DHX8: variants seen among roughly 807,000 people sequenced by gnomAD.
DHX8 encodes the protein ATP-dependent RNA helicase DHX8.
Under a neutral mutation model 140.7 loss-of-function variants are expected in DHX8, and 67 were observed. That is an observed-to-expected ratio of 0.48 (90% confidence interval 0.39 to 0.58). The LOEUF is 0.58. Ranked by LOEUF, DHX8 falls within the 20% of genes least tolerant of loss-of-function variation. The probability of loss-of-function intolerance (pLI) is 0.00; values close to 1 mark genes in which losing one functional copy is unlikely to be tolerated. For synonymous variants in DHX8, 533 were observed against 553.2 expected, an observed-to-expected ratio of 0.96 and a Z score of 0.51; for missense variants, 887 against 1,550.7, an observed-to-expected ratio of 0.57 and a Z score of 7.19.
At chr17:43,525,752 A>C (rs958782473), downstream of DHX8, 1 of 985,402 alleles carries the variant, frequency 1.0e-6, no homozygotes, top group Non-Finnish European at 1.2e-6. Context: ...CTACAGGTGC[A>C]TGCCACCACA....
chr17:43,532,673 C>G, intron 2 of DHX8: 1 of 1,610,532 alleles, frequency 6.2e-7, no homozygotes, highest in East Asian at 2.2e-5. Flanking sequence ...CAGTCTCTTA[C>G]CTGAGTCGTA....
chr17:43,541,407 G>T (rs533029068), intron 3 of DHX8, among the ~76,000 whole-genome samples: 1 of 152,312 alleles, frequency 6.6e-6, no homozygotes, highest in African/African-American at 2.4e-5. Flanking sequence ...CTCCATCCCG[G>T]TACTAAGATG....
At chr17:43,494,209 G>A (rs8074904) in intron 8 of DHX8, among the ~76,000 whole-genome samples, 36,422 of 152,016 alleles carry the variant, frequency 0.24, 4,471 homozygotes, top group Middle Eastern at 0.33. Flanking sequence ...ACTCACTATC[G>A]TGACAACAGC....
rs1443099986 is a variant in DHX8 at position 43,520,265 on chromosome 17, C to T, written c.2935C>T (p.Arg979Trp). ...GGGCCTGCTCACTCGCTTGGGCCGC[C>T]GGGTAAGGGACAGACTCAACTTCCT... ...DEGLLTRLGR[R>W]MAEFPLEPML... The change falls in exon 19 of 23, where the codon CGG becomes TGG. Residue 979 changes from arginine (R) to tryptophan (W), a missense_variant and splice_region_variant. Physicochemically the swap from Arg to Trp is moderately radical, Grantham distance 101. Coordinates refer to ENST00000262415, the MANE Select transcript of DHX8 (RefSeq NM_004941.3). The T allele has an allele frequency of 1.2e-6, 2 of 1,613,856 alleles. No individual in the cohort carries two copies. Among genetic ancestry groups the T allele is most frequent in the Non-Finnish European group, 8.5e-7 (1 of 1,179,898 alleles).
At chr17:43,543,402 A>G (rs1408889716) in intron 3 of DHX8, among the ~76,000 whole-genome samples, 1 of 151,762 alleles carries the variant, frequency 6.6e-6, no homozygotes, top group Non-Finnish European at 1.5e-5. Flanking sequence ...AGATGAGAGC[A>G]TTTTCCTCCC....
chr17:43,486,780 A>G (rs1968180335), intron 1 of DHX8, among the ~76,000 whole-genome samples: 1 of 151,208 alleles, frequency 6.6e-6, no homozygotes, highest in African/African-American at 2.4e-5. Context: ...CAGGAGGCTG[A>G]GGCAGGAGAA....
In DHX8 at chr17:43,504,841, T is replaced by C; in HGVS notation, c.1728+16T>C. The C allele has an allele frequency of 6.2e-7, 1 of 1,608,738 alleles. No homozygotes were observed. Among genetic ancestry groups the C allele is most frequent in the South Asian group, 1.1e-5 (1 of 90,250 alleles). Reference sequence around the variant, plus strand: ...ATTGGTCCAGGTGAGAAGACTTTTATGATGTATTGGTGGGGAGTAGGGTTA... The same window carrying C: ...ATTGGTCCAGGTGAGAAGACTTTTACGATGTATTGGTGGGGAGTAGGGTTA... On this transcript the variant is annotated intron_variant, in intron 12 of 22. Coordinates refer to ENST00000262415, the MANE Select transcript of DHX8 (RefSeq NM_004941.3).
At chr17:43,495,516 G>A (rs541500014) in intron 8 of DHX8, among the ~76,000 whole-genome samples, 26 of 152,226 alleles carry the variant, frequency 1.7e-4, no homozygotes, top group African/African-American at 6.0e-4. Context: ...GGCTCCAAGT[G>A]ATTCTCTTGT....
intron 8 of DHX8, among the ~76,000 whole-genome samples, chr17:43,495,838 CAT>C (rs1968826841): frequency 6.6e-6 from 1 of 152,170 alleles, no homozygotes. Context: ...GTCGCTGACA[CAT>C]GTAATCTCAG....
chr17:43,534,477 G>C (rs1056277605), intron 2 of DHX8, among the ~76,000 whole-genome samples: 3 of 151,046 alleles, frequency 2.0e-5, no homozygotes, highest in Admixed American at 2.0e-4. Flanking sequence ...CTGGGTGACA[G>C]AGCGAGACTC....
chr17:43,525,855 C>G (rs184096724), downstream of DHX8: 2 of 983,148 alleles, frequency 2.0e-6, no homozygotes, highest in Admixed American at 6.2e-5. Flanking sequence ...GAGTGCCCAG[C>G]ACTGACAATG....
intron 1 of DHX8, among the ~76,000 whole-genome samples, chr17:43,485,656 CT>C (rs761046982): frequency 1.3e-5 from 2 of 151,728 alleles, no homozygotes; most frequent in Admixed American, 6.6e-5. Context: ...GGGAGCTTAC[CT>C]TTCTCTCTGT....
chr17:43,499,842 T>G, intron 10 of DHX8, 114 bp from the exon 11 acceptor site: 1 of 1,173,372 alleles, frequency 8.5e-7, no homozygotes, highest in Non-Finnish European at 1.2e-6. Context: ...GTCTGTTACA[T>G]TGATAAGAAC....
At chr17:43,532,934 A>G (rs1284552053) in intron 2 of DHX8, 1 of 1,566,410 alleles carries the variant, frequency 6.4e-7, no homozygotes, top group East Asian at 2.3e-5. Flanking sequence ...CTGCTGGAAG[A>G]CGGAGCTGGA....
intron 16 of DHX8, 32 bp downstream of exon 16, chr17:43,508,552 C>G: frequency 6.7e-7 from 1 of 1,491,342 alleles, no homozygotes; most frequent in South Asian, 1.2e-5. Flanking sequence ...CTTCCATGTG[C>G]CCTGAAACCA....
chr17:43,509,727 G>T (rs936221738), intron 16 of DHX8, among the ~76,000 whole-genome samples: 1 of 151,988 alleles, frequency 6.6e-6, no homozygotes, highest in African/African-American at 2.4e-5. Flanking sequence ...GGAGTGCAAC[G>T]GCACAATCTC....
Position 43,484,074 on chromosome 17 carries a change from G to A in DHX8, c.37G>A (p.Gly13Arg). The A allele has an allele frequency of 3.1e-6, 5 of 1,614,156 alleles. No homozygotes were observed. The highest frequency in any genetic ancestry group is 1.3e-5 in the African/African-American group (1 of 75,018). The change falls in exon 1 of 23, where the codon GGG (glycine) becomes AGG (arginine). Residue 13 changes from glycine (G) to arginine (R), a missense_variant. Coordinates refer to ENST00000262415, the MANE Select transcript of DHX8 (RefSeq NM_004941.3). ...TGTAGCCATGGCGGGAGCCTTAATC[G>A]GGTCGGAGCCAGGCCCCGCGGAAGA... Reference protein sequence around the residue: ...VAVAMAGALIGSEPGPAEELA... With the variant: ...VAVAMAGALIRSEPGPAEELA...
chr17:43,498,889 A>C lies in DHX8; in HGVS notation c.1328A>C (p.Glu443Ala). ...GAGGACCTTGAGATTGAATTGGTTG[A>C]GGAAGAGCCTCCATTCCTGAGAGGG... ...EDEDLEIELV[E>A]EEPPFLRGHT... is the part of the protein sequence containing the mutation. The change falls in exon 10 of 23, where the codon GAG (glutamate) becomes GCG (alanine). Residue 443 changes from glutamate (E) to alanine (A), a missense_variant. By Grantham distance (107) the Glu-to-Ala change is moderately radical (BLOSUM62 -1). Coordinates refer to ENST00000262415, the MANE Select transcript of DHX8 (RefSeq NM_004941.3). 1 of 1,597,596 alleles carries C rather than the reference A, an allele frequency of 6.3e-7. No individual in the cohort carries two copies. The highest frequency in any genetic ancestry group is 8.5e-7 in the Non-Finnish European group (1 of 1,174,196).
intron 11 of DHX8, among the ~76,000 whole-genome samples, chr17:43,504,293 G>T (rs1202375120): frequency 1.3e-5 from 2 of 151,898 alleles, no homozygotes; most frequent in East Asian, 3.9e-4. Flanking sequence ...AGAAGGTCGG[G>T]GCTGCAGTGA....
Sources: gnomAD v4.1 joint callset for allele counts (sites outside exome capture counted in the v4.1 genomes callset) on GRCh38, gnomAD v4.1.1 for gene constraint, MANE v1.5 for transcripts, NCBI Gene and HGNC (gene_info 2026-07-23, HGNC 2026-07-21) for gene names.